Variants in LRP5 observed in about 807,000 individuals in gnomAD.
LRP5 encodes LDL receptor related protein 5.
LRP5 carries 62 observed loss-of-function variants against 154.1 expected under a neutral mutation model. The ratio of observed to expected loss-of-function variants is 0.40; its 90% CI spans 0.33 to 0.50. The LOEUF is 0.50. LRP5 is among the 20% of genes least tolerant of loss of function. LRP5 has a pLI of 0.55. For missense variants in LRP5, 1,915 were observed against 2,336.7 expected, an observed-to-expected ratio of 0.82 and a Z score of 3.72; for synonymous variants, 966 against 1,011.5, an observed-to-expected ratio of 0.96 and a Z score of 0.85.
rs542414391 is a variant in LRP5, at chr11:68,313,641, C to T, written c.91+836C>T. ...ACATGTTCTTTTAATTTGGAGATTG[C>T]CATGTGGTTTTTCAAGCAAGCCTCT... On this transcript the variant is annotated intron_variant, in intron 1 of 22. Transcript: ENST00000294304. Among the ~76,000 whole-genome samples the T allele has an allele frequency of 3.9e-5, 6 of 152,324 alleles. No homozygotes were observed. The South Asian group carries it at 1.2e-3, about 32-fold the overall frequency.
chr11:68,407,048 T>G (rs1281013047), intron 9 of LRP5, among the ~76,000 whole-genome samples: 1 of 152,180 alleles, frequency 6.6e-6, no homozygotes, highest in African/African-American at 2.4e-5. Flanking sequence ...GTGAAATATT[T>G]GTTGTCCGTT....
chr11:68,424,281 A>G (rs2098667459), intron 14 of LRP5, among the ~76,000 whole-genome samples: 1 of 152,062 alleles, frequency 6.6e-6, no homozygotes, highest in African/African-American at 2.4e-5. Flanking sequence ...GGGGGCTGGC[A>G]TGAAGACGGG....
At chr11:68,315,322 T>C (rs1473280702) in intron 1 of LRP5, among the ~76,000 whole-genome samples, 1 of 152,236 alleles carries the variant, frequency 6.6e-6, no homozygotes, top group East Asian at 1.9e-4. Context: ...TAGAGGCTGT[T>C]ATTACAATAG....
chr11:68,299,628 G>A, the LRP5 span, among the ~76,000 whole-genome samples: 5 of 149,824 alleles, frequency 3.3e-5, no homozygotes, highest in African/African-American at 9.8e-5. Flanking sequence ...TGTTGCCCAG[G>A]CTGGAGTACA....
chr11:68,376,251 C>T (rs11228219), intron 5 of LRP5, among the ~76,000 whole-genome samples: 18,875 of 150,330 alleles, frequency 0.13, 1,478 homozygotes, highest in Non-Finnish European at 0.18. Flanking sequence ...GCGCGATCTC[C>T]GCTAACTGCA....
intron 7 of LRP5, among the ~76,000 whole-genome samples, chr11:68,395,910 G>T (rs1398943340): frequency 6.6e-6 from 1 of 152,134 alleles, no homozygotes; most frequent in Non-Finnish European, 1.5e-5. Context: ...TGCTTCTCAG[G>T]TCCTTGCCCA....
At chr11:68,390,103 C>G (rs1483393066) in intron 7 of LRP5, 51 bp downstream of exon 7, 7 of 1,602,850 alleles carry the variant, frequency 4.4e-6, no homozygotes, top group African/African-American at 1.3e-5. Context: ...CCAGCCACCC[C>G]CTGCAGCCAG....
At chr11:68,445,468 G>GGT in intron 21 of LRP5, 9 of 477,318 alleles carry the variant, frequency 1.9e-5, no homozygotes, top group Admixed American at 6.1e-5. Flanking sequence ...GACTTCACCC[G>GGT]GGTCTGTCTG....
chr11:68,304,562 T>C, the LRP5 span, among the ~76,000 whole-genome samples: 53 of 152,172 alleles, frequency 3.5e-4, no homozygotes, highest in African/African-American at 1.2e-3. Flanking sequence ...CCCAGAATGG[T>C]AGATCACCAG....
At chr11:68,314,405 C>CCCCAGTG (rs564177216) in intron 1 of LRP5, among the ~76,000 whole-genome samples, 316 of 152,236 alleles carry the variant, frequency 2.1e-3, no homozygotes, top group Non-Finnish European at 3.9e-3. Flanking sequence ...GGCCTGGGAG[C>CCCCAGTG]CCCAGTGAAT....
At chr11:68,389,165 C>CACCGACATTT (rs1355412053) in intron 6 of LRP5, among the ~76,000 whole-genome samples, 1 of 152,288 alleles carries the variant, frequency 6.6e-6, no homozygotes, top group African/African-American at 2.4e-5. Context: ...AATTTACCGA[C>CACCGACATTT]ACCGACATTT....
At chr11:68,408,017 G>A (rs1301603874) in intron 9 of LRP5, among the ~76,000 whole-genome samples, 1 of 152,146 alleles carries the variant, frequency 6.6e-6, no homozygotes, top group African/African-American at 2.4e-5. Context: ...CTGTTCTAAA[G>A]TATTGGACAA....
intron 18 of LRP5, among the ~76,000 whole-genome samples, chr11:68,434,114 G>A (rs1306672399): frequency 6.6e-6 from 1 of 152,148 alleles, no homozygotes; most frequent in Admixed American, 6.6e-5. Flanking sequence ...CACATTCAGG[G>A]GTGGGCTGCA....
At chr11:68,432,365 C>T (rs1017324848) in intron 17 of LRP5, among the ~76,000 whole-genome samples, 3 of 152,200 alleles carry the variant, frequency 2.0e-5, no homozygotes, top group African/African-American at 7.2e-5. Context: ...AGACATCTGT[C>T]GTTGGCTCCT....
chr11:68,433,663 C>T lies in LRP5; in HGVS notation c.3825C>T (p.Pro1275=), dbSNP rs765940834. 3.3e-5 allele frequency: 54 copies of T among 1,613,322 alleles called. No homozygotes were observed. Among genetic ancestry groups the T allele is most frequent in the African/African-American group, 6.7e-5 (5 of 74,944 alleles). Residue 1275 remains proline, a synonymous_variant, in exon 18 of 23, where the codon CCC becomes CCT. Transcript: ENST00000294304. ...CCACAGGGGAGATCGACTGTATCCC[C>T]GGGGCCTGGCGCTGTGACGGCTTTC... The part of the protein sequence containing the change: ...ACATGEIDCI[P]GAWRCDGFPE...
At chr11:68,366,528 G>T (rs2098631150) in intron 5 of LRP5, among the ~76,000 whole-genome samples, 1 of 152,216 alleles carries the variant, frequency 6.6e-6, no homozygotes, top group Non-Finnish European at 1.5e-5. Context: ...GTGTTTGTGT[G>T]CAGCGGCTGG....
chr11:68,429,714 A>C lies in LRP5; in HGVS notation c.3763+14A>C. 1.2e-6 allele frequency: 2 copies of C among 1,613,986 alleles called. No homozygotes were observed. Among genetic ancestry groups the C allele is most frequent in the Non-Finnish European group, 1.7e-6 (2 of 1,179,998 alleles). On this transcript the variant is annotated intron_variant, in intron 17 of 22. Coordinates refer to ENST00000294304, the MANE Select transcript of LRP5 (RefSeq NM_002335.4). ...TGACCTGTGGAGGTAGGTGTGACCTAGGTGCTCCTTTGGGGTGATGGACAG... is the reference window on the plus strand; with the variant it reads ...TGACCTGTGGAGGTAGGTGTGACCTCGGTGCTCCTTTGGGGTGATGGACAG...
At position 68,386,414 on chromosome 11, in the gene LRP5, A is replaced by G; in HGVS notation, c.1114A>G (p.Ile372Val). ...FTDIVLQVDD[I>V]RHAIAIDYDP... The stretch of plus-strand genomic sequence containing the variant: ...CGACATCGTGCTGCAGGTGGACGAC[A>G]TCCGGCACGCCATTGCCATCGACTA... Residue 372 changes from isoleucine (I) to valine (V), a missense_variant, in exon 6 of 23, where the codon ATC becomes GTC. Physicochemically the swap from Ile to Val is conservative, Grantham distance 29 (BLOSUM62 3). Coordinates refer to ENST00000294304, the MANE Select transcript of LRP5 (RefSeq NM_002335.4). This position sits in a 1 kb window ranked among gnomAD's most constrained non-coding sequence, Gnocchi z 7.9. The G allele has an allele frequency of 6.2e-7, 1 of 1,614,058 alleles. No individual in the cohort carries two copies. The highest frequency in any genetic ancestry group is 8.5e-7 in the Non-Finnish European group (1 of 1,180,040).
chr11:68,446,633 G>A (rs1320116005), intron 22 of LRP5, 100 bp downstream of exon 22: 1 of 1,087,936 alleles, frequency 9.2e-7, no homozygotes, highest in Non-Finnish European at 1.4e-6. Flanking sequence ...GGTATTCTGG[G>A]TGCTAGTGGG....
Sources: gnomAD v4.1 joint callset for allele counts (sites outside exome capture counted in the v4.1 genomes callset) on GRCh38, gnomAD v4.1.1 for gene constraint, Gnocchi (gnomAD v3.1) non-coding constraint, MANE v1.5 for transcripts, NCBI Gene and HGNC (gene_info 2026-07-23, HGNC 2026-07-21) for gene names.